SLCO6A1: variants seen among roughly 807,000 people sequenced by gnomAD.
SLCO6A1 encodes the protein cancer/testis antigen 48.
A neutral mutation model predicts 72.7 loss-of-function variants in SLCO6A1; 65 were observed. The ratio of observed to expected loss-of-function variants is 0.89; its 90% CI spans 0.73 to 1.10. SLCO6A1 has a LOEUF of 1.10. Ranked by LOEUF, SLCO6A1 falls within the 50% of genes least tolerant of loss-of-function variation. The probability of loss-of-function intolerance (pLI) is 0.00; values close to 1 mark genes in which losing one functional copy is unlikely to be tolerated. For synonymous variants in SLCO6A1, 314 were observed against 298.2 expected (o/e 1.05, Z -0.55); for missense variants, 874 against 872.6 (o/e 1.00, Z -0.02).
At chr5:102,446,601 A>C (rs1750121694) in intron 6 of SLCO6A1, among the ~76,000 whole-genome samples, 1 of 152,146 alleles carries the variant, frequency 6.6e-6, no homozygotes, top group African/African-American at 2.4e-5. Flanking sequence ...TATGTTGAAC[A>C]GGAGTGGTGA....
chr5:102,432,486 A>G (rs1004755021), intron 7 of SLCO6A1, among the ~76,000 whole-genome samples: 2 of 151,862 alleles, frequency 1.3e-5, no homozygotes, highest in African/African-American at 4.8e-5. Context: ...TTTCTACTTC[A>G]CTTATGAAGC....
At chr5:102,440,831 T>A (rs6872341) in intron 6 of SLCO6A1, among the ~76,000 whole-genome samples, 97,209 of 152,118 alleles carry the variant, frequency 0.64, 31,264 homozygotes, top group African/African-American at 0.66. Flanking sequence ...AAATGTTGCA[T>A]TGGTAACAAG....
rs577086262 is a variant in SLCO6A1, at chr5:102,453,873, T to G, written c.1131+4509A>C. Among the ~76,000 whole-genome samples, 4 of 152,248 alleles carry G rather than the reference T, an allele frequency of 2.6e-5. No homozygotes were observed. In the East Asian group the frequency reaches 7.7e-4, roughly 29 times the overall value. ...TCTGTACATGGATTGGATCACATAT[T>G]CAAGTTTCAGGCAGTTTACAAGCTA... On this transcript the variant is annotated intron_variant, in intron 6 of 13. Transcript: ENST00000506729.
At chr5:102,483,000 T>C (rs537062980) in intron 1 of SLCO6A1, among the ~76,000 whole-genome samples, 35 of 152,280 alleles carry the variant, frequency 2.3e-4, no homozygotes, top group African/African-American at 7.9e-4. Context: ...AGACGAGCTC[T>C]GGTGAAGTTA....
chr5:102,413,181 G>A, intron 8 of SLCO6A1, 38 bp from the exon 9 acceptor site: 1 of 1,500,150 alleles, frequency 6.7e-7, no homozygotes, highest in Non-Finnish European at 8.9e-7. Context: ...TATTACCATT[G>A]TTTTATAATT....
intron 1 of SLCO6A1, among the ~76,000 whole-genome samples, chr5:102,483,412 G>A (rs1752304198): frequency 6.6e-6 from 1 of 152,124 alleles, no homozygotes; most frequent in Non-Finnish European, 1.5e-5. Context: ...AAAAATCACA[G>A]AGGCTCACCA....
chr5:102,424,961 C>A (rs1310818231), intron 7 of SLCO6A1, among the ~76,000 whole-genome samples: 1 of 152,128 alleles, frequency 6.6e-6, no homozygotes, highest in East Asian at 1.9e-4. Flanking sequence ...AAGGCTGGTT[C>A]AACATACACA....
chr5:102,433,922 A>C (rs1749358628), intron 7 of SLCO6A1, among the ~76,000 whole-genome samples: 2 of 151,994 alleles, frequency 1.3e-5, no homozygotes, highest in Admixed American at 1.3e-4. Flanking sequence ...ACAATATTTA[A>C]AATTATTATA....
At chr5:102,401,861 T>C (rs1339266794) in intron 9 of SLCO6A1, among the ~76,000 whole-genome samples, 3 of 152,090 alleles carry the variant, frequency 2.0e-5, no homozygotes, top group African/African-American at 7.2e-5. Context: ...GCTTTCATCC[T>C]ATATTGAGGA....
In SLCO6A1 at chr5:102,395,613, C is replaced by G. The variant is rs528081546; in HGVS notation, c.1814+3942G>C. On this transcript the variant is annotated intron_variant, in intron 10 of 13. Coordinates refer to ENST00000506729, the MANE Select transcript of SLCO6A1 (RefSeq NM_173488.5). Reference sequence around the variant, plus strand: ...TAGTTCTAGATCCCTAAGGAATCGCCACACTGACTTCCACAATGGTTGAAC... The same window carrying G: ...TAGTTCTAGATCCCTAAGGAATCGCGACACTGACTTCCACAATGGTTGAAC... 4.1e-3 allele frequency among the ~76,000 whole-genome samples: 630 copies of G among 152,152 alleles called. 9 individuals carry two copies. The highest frequency in any genetic ancestry group is 0.015 in the African/African-American group (606 of 41,510).
At chr5:102,415,602 A>C (rs1239488536) in intron 8 of SLCO6A1, among the ~76,000 whole-genome samples, 1 of 152,164 alleles carries the variant, frequency 6.6e-6, no homozygotes, top group East Asian at 1.9e-4. Flanking sequence ...AACTCTAAAA[A>C]TACCAGAAGA....
At chr5:102,457,299 A>G in intron 6 of SLCO6A1, among the ~76,000 whole-genome samples, 1 of 151,656 alleles carries the variant, frequency 6.6e-6, no homozygotes. Context: ...AGAAACTACC[A>G]CTGGAGTGAA....
chr5:102,441,112 A>G (rs1749809157), intron 6 of SLCO6A1, among the ~76,000 whole-genome samples: 1 of 152,178 alleles, frequency 6.6e-6, no homozygotes, highest in Admixed American at 6.5e-5. Flanking sequence ...TTGACTTGAT[A>G]TATCTAATCC....
chr5:102,484,834 A>C (rs1223108249), intron 1 of SLCO6A1, among the ~76,000 whole-genome samples: 1 of 152,238 alleles, frequency 6.6e-6, no homozygotes, highest in Non-Finnish European at 1.5e-5. Context: ...TATCCTTAAT[A>C]AAATGTGATT....
chr5:102,480,604 T>C (rs544796156), intron 1 of SLCO6A1, among the ~76,000 whole-genome samples, 170 bp from the exon 2 acceptor site: 36 of 152,310 alleles, frequency 2.4e-4, no homozygotes, highest in African/African-American at 8.2e-4. Flanking sequence ...AAATAGGCCT[T>C]AACCTCTACA....
chr5:102,490,983 T>A (rs1265513797), intron 1 of SLCO6A1, among the ~76,000 whole-genome samples: 2 of 152,140 alleles, frequency 1.3e-5, no homozygotes, highest in African/African-American at 4.8e-5. Flanking sequence ...CACATCCTGC[T>A]GACTGCTCCA....
intron 1 of SLCO6A1, among the ~76,000 whole-genome samples, chr5:102,498,140 T>C (rs746032299): frequency 6.6e-6 from 1 of 152,104 alleles, no homozygotes; most frequent in Non-Finnish European, 1.5e-5. Flanking sequence ...CCAGCCAAAT[T>C]ATCTTTAAAA....
intron 12 of SLCO6A1, among the ~76,000 whole-genome samples, chr5:102,386,452 G>A (rs1580331785): frequency 1.3e-5 from 2 of 152,292 alleles, no homozygotes; most frequent in South Asian, 4.1e-4. Context: ...CTGCATTGGG[G>A]TCTACTGGAG....
At position 102,399,657 on chromosome 5, in the gene SLCO6A1, C is replaced by T; in HGVS notation, c.1712G>A (p.Cys571Tyr). ...AGGTAACTTATAGCACTTTGCATCACATTTCCCGGGTCTGGCATCAATAAA... is the reference window on the plus strand; with the variant it reads ...AGGTAACTTATAGCACTTTGCATCATATTTCCCGGGTCTGGCATCAATAAA... ...GDFIDARPGK[C>Y]DAKCYKLPLF... is the part of the protein sequence containing the mutation. Residue 571 changes from cysteine to tyrosine, a missense_variant, in exon 10 of 14, where the codon TGT becomes TAT. Cys to Tyr is a radical substitution (Grantham distance 194, BLOSUM62 -2). Transcript: ENST00000506729. The T allele has an allele frequency of 6.2e-7, 1 of 1,610,088 alleles. No individual in the cohort carries two copies. Among genetic ancestry groups the T allele is most frequent in the Non-Finnish European group, 8.5e-7 (1 of 1,177,314 alleles).
Sources: allele counts gnomAD v4.1 joint callset (sites outside exome capture counted in the v4.1 genomes callset), GRCh38; gene constraint gnomAD v4.1.1; transcripts MANE v1.5; gene names NCBI Gene and HGNC (gene_info 2026-07-23, HGNC 2026-07-21).